HEXB: variants seen among roughly 807,000 people sequenced by gnomAD.
HEXB encodes the protein beta-hexosaminidase subunit beta.
HEXB carries 51 observed loss-of-function variants against 71.2 expected under a neutral mutation model. The observed-to-expected ratio is 0.72, with a 90% CI of 0.57 to 0.90. The LOEUF is 0.90. HEXB is among the 40% of genes least tolerant of loss of function. The pLI, the probability that HEXB is intolerant of heterozygous loss-of-function variation, is 0.00. For synonymous variants in HEXB, 266 were observed against 249.3 expected, an observed-to-expected ratio of 1.07 and a Z score of -0.63; for missense variants, 617 against 677.0, an observed-to-expected ratio of 0.91 and a Z score of 0.98.
chr5:74,664,312 A>T (rs950743774), intron 1 of HEXB, among the ~76,000 whole-genome samples: 5 of 151,650 alleles, frequency 3.3e-5, no homozygotes, highest in African/African-American at 1.2e-4. Context: ...CTGTAGTCCC[A>T]GCTATTCAGT....
intron 1 of HEXB, among the ~76,000 whole-genome samples, chr5:74,662,895 C>G (rs927092886): frequency 6.6e-6 from 1 of 152,148 alleles, no homozygotes; most frequent in Admixed American, 6.5e-5. Flanking sequence ...GCCATTTCCC[C>G]AAGGCTAAAC....
intron 6 of HEXB, among the ~76,000 whole-genome samples, chr5:74,709,785 T>G: frequency 6.6e-6 from 1 of 152,200 alleles, no homozygotes; most frequent in Non-Finnish European, 1.5e-5. Flanking sequence ...GCTGAAATTG[T>G]GGCAATAATC....
chr5:74,690,776 A>AT, intron 2 of HEXB, among the ~76,000 whole-genome samples: 1 of 151,422 alleles, frequency 6.6e-6, no homozygotes, highest in Non-Finnish European at 1.5e-5. Context: ...ACATGTCTTC[A>AT]TCCTGCTGGT....
chr5:74,671,227 T>G (rs1252470196), intron 1 of HEXB, among the ~76,000 whole-genome samples: 1 of 152,180 alleles, frequency 6.6e-6, no homozygotes, highest in Non-Finnish European at 1.5e-5. Flanking sequence ...ATTAATCTTA[T>G]GTATTCATCA....
intron 6 of HEXB, among the ~76,000 whole-genome samples, chr5:74,709,610 A>G (rs890969782): frequency 2.6e-5 from 4 of 152,166 alleles, no homozygotes; most frequent in Non-Finnish European, 5.9e-5. Context: ...AGGGGATATC[A>G]CCACCAATCC....
chr5:74,653,496 C>A lies in HEXB; in HGVS notation c.-377+12938C>A, dbSNP rs188701387. Among the ~76,000 whole-genome samples the A allele has an allele frequency of 3.0e-3, 463 of 152,314 alleles. 1 individual carries two copies. Among genetic ancestry groups the A allele is most frequent in the African/African-American group, 0.01 (428 of 41,574 alleles). Reference sequence around the variant, plus strand: ...TGGGTCAGCAAGCTCCAAAAGCCAACCTTCCAGGCCATGGTTTCAGGGCTT... The same window carrying A: ...TGGGTCAGCAAGCTCCAAAAGCCAAACTTCCAGGCCATGGTTTCAGGGCTT... On this transcript the variant is annotated intron_variant, in intron 1 of 13. Transcript: ENST00000511181.
intron 1 of HEXB, among the ~76,000 whole-genome samples, chr5:74,666,399 T>C (rs1399984778): frequency 6.6e-6 from 1 of 152,252 alleles, no homozygotes; most frequent in Non-Finnish European, 1.5e-5. Flanking sequence ...GTAGGTCAAG[T>C]TGGCAGTGAC....
chr5:74,698,721 C>A (rs1478547406), intron 5 of HEXB, among the ~76,000 whole-genome samples: 6 of 152,162 alleles, frequency 3.9e-5, no homozygotes, highest in South Asian at 2.1e-4. Context: ...CATTAATACT[C>A]TGAATTTTTT....
At chr5:74,647,072 C>G (rs1395677798) in intron 1 of HEXB, among the ~76,000 whole-genome samples, 5 of 152,206 alleles carry the variant, frequency 3.3e-5, no homozygotes, top group Admixed American at 2.6e-4. Context: ...AAAGCTCACT[C>G]AGATCTATCA....
chr5:74,643,901 T>A (rs1580355334), intron 1 of HEXB, among the ~76,000 whole-genome samples: 1 of 152,134 alleles, frequency 6.6e-6, no homozygotes, highest in East Asian at 1.9e-4. Context: ...GCCCTCTTTG[T>A]TTTATGAGGA....
chr5:74,714,104 G>A (rs996447483), intron 7 of HEXB, among the ~76,000 whole-genome samples: 4 of 152,182 alleles, frequency 2.6e-5, no homozygotes, highest in Non-Finnish European at 5.9e-5. Context: ...CAAAGTGTTG[G>A]GATTATAGGC....
chr5:74,719,334 T>C (rs1749756601), intron 11 of HEXB, among the ~76,000 whole-genome samples: 1 of 152,188 alleles, frequency 6.6e-6, no homozygotes, highest in Admixed American at 6.5e-5. Flanking sequence ...GCTTCTCCAA[T>C]GTAAGACACC....
At chr5:74,717,865 A>G (rs1009757746) in intron 9 of HEXB, among the ~76,000 whole-genome samples, 2 of 152,138 alleles carry the variant, frequency 1.3e-5, no homozygotes, top group Non-Finnish European at 2.9e-5. Flanking sequence ...CATTATGTAA[A>G]TATCTGTAAA....
chr5:74,667,316 G>T (rs371598476), intron 1 of HEXB, among the ~76,000 whole-genome samples: 3 of 152,090 alleles, frequency 2.0e-5, no homozygotes, highest in African/African-American at 4.8e-5. Context: ...CTATTCAGGA[G>T]GCTGAGGCAG....
chr5:74,720,189 C>T (rs1749790554), intron 11 of HEXB: 3 of 542,086 alleles, frequency 5.5e-6, no homozygotes, highest in Non-Finnish European at 9.9e-6. Context: ...GGTGCTAACA[C>T]GTGCTGTGAA....
chr5:74,640,463 G>A (rs1442773174), exon 1 of HEXB: 2 of 152,256 alleles, frequency 1.3e-5, no homozygotes, highest in Admixed American at 6.5e-5. Context: ...ACGATGGCTC[G>A]CGGACCGGCT....
intron 1 of HEXB, among the ~76,000 whole-genome samples, chr5:74,674,619 A>AAAAAAG (rs1554033722): frequency 6.6e-6 from 1 of 151,506 alleles, no homozygotes; most frequent in African/African-American, 2.4e-5. Flanking sequence ...AAAAAAAAAA[A>AAAAAAG]AAGAAGAAGA....
intron 6 of HEXB, among the ~76,000 whole-genome samples, chr5:74,710,102 C>T (rs1433984185): frequency 4.6e-5 from 7 of 152,172 alleles, no homozygotes; most frequent in Non-Finnish European, 1.0e-4. Context: ...ATCAAGTGGG[C>T]TTCATCCCTG....
At chr5:74,704,224 C>T (rs1233833897) in intron 5 of HEXB, among the ~76,000 whole-genome samples, 2 of 152,050 alleles carry the variant, frequency 1.3e-5, no homozygotes, top group Non-Finnish European at 2.9e-5. Flanking sequence ...GAGTGAAAAC[C>T]CTCCTTTTAT....
Sources: allele counts gnomAD v4.1 joint callset (sites outside exome capture counted in the v4.1 genomes callset), GRCh38; gene constraint gnomAD v4.1.1; transcripts MANE v1.5; gene names NCBI Gene and HGNC (gene_info 2026-07-23, HGNC 2026-07-21).